The following CDH12 variants were observed in gnomAD, a reference collection of about 807,000 sequenced individuals.
CDH12 encodes cadherin-12.
A neutral mutation model predicts 74.1 loss-of-function variants in CDH12; 41 were observed. The observed-to-expected ratio is 0.55, with a 90% CI of 0.43 to 0.72. The LOEUF (loss-of-function observed/expected upper bound fraction) is 0.72, where lower values mean the gene tolerates loss of function less well. Ranked by LOEUF, CDH12 falls within the 30% of genes least tolerant of loss-of-function variation. The pLI is 0.00. For missense variants in CDH12, 945 were observed against 977.2 expected (o/e 0.97, Z 0.44); for synonymous variants, 399 against 355.0 (o/e 1.12, Z -1.39).
intron 4 of CDH12, among the ~76,000 whole-genome samples, chr5:22,107,636 A>G (rs1744554171): frequency 6.6e-6 from 1 of 152,106 alleles, no homozygotes; most frequent in Non-Finnish European, 1.5e-5. Flanking sequence ...GAATAATTAT[A>G]CTGAAAAATC....
intron 4 of CDH12, among the ~76,000 whole-genome samples, chr5:22,153,327 T>G (rs1747739463): frequency 1.3e-5 from 2 of 151,830 alleles, no homozygotes; most frequent in South Asian, 2.1e-4. Context: ...TGTGCTGATT[T>G]TGATGCATTT....
In CDH12 at chr5:22,785,794, A is replaced by G. The variant is rs554855199; in HGVS notation, c.-523+67264T>C. Among the ~76,000 whole-genome samples, 325 of 152,222 alleles carry G rather than the reference A, an allele frequency of 2.1e-3. 3 individuals are homozygous for G. The highest frequency in any genetic ancestry group is 2.9e-3 in the Non-Finnish European group (196 of 68,014). On this transcript the variant is annotated intron_variant, in intron 1 of 14. Coordinates refer to ENST00000382254, the MANE Select transcript of CDH12 (RefSeq NM_004061.5). The stretch of plus-strand genomic sequence containing the variant: ...CAGCCTCCCAAAGTTCTGGGATTAC[A>G]GTTGTATGCCACCATGCCCAGCCTT...
intron 6 of CDH12, among the ~76,000 whole-genome samples, chr5:21,945,459 G>A (rs867701602): frequency 0.038 from 2,369 of 62,302 alleles, 51 homozygotes; most frequent in African/African-American, 0.14. Context: ...AAAAAAAAAA[G>A]AGGTTGGAAT....
At chr5:21,754,587 AT>A (rs1251697793) in intron 14 of CDH12, among the ~76,000 whole-genome samples, 1 of 152,208 alleles carries the variant, frequency 6.6e-6, no homozygotes, top group Non-Finnish European at 1.5e-5. Flanking sequence ...CTACGTCAGC[AT>A]GAACTTCTGA....
At chr5:22,478,283 T>A (rs1472312750) in intron 2 of CDH12, among the ~76,000 whole-genome samples, 3 of 150,908 alleles carry the variant, frequency 2.0e-5, no homozygotes, top group Non-Finnish European at 3.0e-5. Flanking sequence ...CCGGGCGAGG[T>A]GGCGGGCGCC....
intron 8 of CDH12, among the ~76,000 whole-genome samples, chr5:21,831,068 A>C (rs1188891528): frequency 6.9e-5 from 4 of 58,338 alleles, no homozygotes; most frequent in African/African-American, 6.1e-4. Context: ...AAAAACAAAC[A>C]AAAAAAAACC....
At position 21,832,016 on chromosome 5, in the gene CDH12, CATT is replaced by C. The variant is rs549170932; in HGVS notation, c.814+10142_814+10144del. ...TATTAAATGGACCCATGGCCTTTAA[CATT>C]ATTTTTTATAACGTTGGTAAGATTA... is the stretch of plus-strand genomic sequence containing the variant. On this transcript the variant is annotated intron_variant, in intron 8 of 14. Transcript: ENST00000382254. Among the ~76,000 whole-genome samples the C allele has an allele frequency of 2.9e-3, 435 of 152,160 alleles. 3 individuals carry two copies. Among genetic ancestry groups the C allele is most frequent in the African/African-American group, 7.7e-3 (320 of 41,512 alleles).
intron 6 of CDH12, among the ~76,000 whole-genome samples, chr5:21,877,519 C>T (rs543281865): frequency 6.6e-6 from 1 of 152,252 alleles, no homozygotes; most frequent in East Asian, 1.9e-4. Flanking sequence ...ACAAATAAGT[C>T]TGGCTAAGAA....
At chr5:22,417,613 T>C (rs1336899123) in intron 2 of CDH12, among the ~76,000 whole-genome samples, 1 of 152,216 alleles carries the variant, frequency 6.6e-6, no homozygotes. Context: ...TTTGTTATAG[T>C]GGCACCAAAC....
chr5:22,668,316 A>G (rs1192337197), intron 1 of CDH12, among the ~76,000 whole-genome samples: 1 of 152,240 alleles, frequency 6.6e-6, no homozygotes, highest in Non-Finnish European at 1.5e-5. Context: ...TAAGTAACAA[A>G]AAAGCACATG....
intron 10 of CDH12, among the ~76,000 whole-genome samples, chr5:21,801,085 A>G (rs1023625646): frequency 1.3e-5 from 2 of 152,204 alleles, no homozygotes; most frequent in African/African-American, 4.8e-5. Flanking sequence ...GGTAGTATTC[A>G]TGTAATTATA....
At chr5:22,529,161 ATGTG>A (rs1157957120) in intron 1 of CDH12, among the ~76,000 whole-genome samples, 5 of 112,896 alleles carry the variant, frequency 4.4e-5, no homozygotes, top group African/African-American at 1.6e-4. Context: ...ATATATACAC[ATGTG>A]TATATATATA....
chr5:22,320,226 T>G (rs928807157), intron 3 of CDH12, among the ~76,000 whole-genome samples: 4 of 152,020 alleles, frequency 2.6e-5, no homozygotes, highest in South Asian at 2.1e-4. Flanking sequence ...GAAAACAAAA[T>G]GTTAAAAGTG....
At chr5:21,879,993 T>C (rs1752155179) in intron 6 of CDH12, among the ~76,000 whole-genome samples, 1 of 152,204 alleles carries the variant, frequency 6.6e-6, no homozygotes. Flanking sequence ...AGAAAGAAGC[T>C]GTGAGCAGAC....
At chr5:21,883,906 G>A (rs1304598028) in intron 6 of CDH12, 1 of 1,608,962 alleles carries the variant, frequency 6.2e-7, no homozygotes, top group Non-Finnish European at 8.5e-7. Flanking sequence ...ATTGTTTTGG[G>A]AGGGGGTTTT....
intron 3 of CDH12, among the ~76,000 whole-genome samples, chr5:22,337,484 TG>T (rs1055423657): frequency 6.6e-6 from 1 of 152,120 alleles, no homozygotes; most frequent in African/African-American, 2.4e-5. Context: ...GATTGAATCA[TG>T]GGGGTAAGTG....
Position 22,739,253 on chromosome 5 carries a change from C to T in CDH12, c.-523+113805G>A, listed in dbSNP as rs141494061. Among the ~76,000 whole-genome samples the T allele has an allele frequency of 3.1e-3, 473 of 151,608 alleles. 1 individual carries two copies. The highest frequency in any genetic ancestry group is 0.01 in the African/African-American group (423 of 41,390). ...AATCATGAAAATGAATGTATTAGGGCCTATCTAATTTTGTATATAGTGAAA... is the reference window on the plus strand; with the variant it reads ...AATCATGAAAATGAATGTATTAGGGTCTATCTAATTTTGTATATAGTGAAA... On this transcript the variant is annotated intron_variant, in intron 1 of 14. Coordinates refer to ENST00000382254, the MANE Select transcript of CDH12 (RefSeq NM_004061.5).
At chr5:22,625,504 C>G (rs1280769885) in intron 1 of CDH12, among the ~76,000 whole-genome samples, 1 of 152,064 alleles carries the variant, frequency 6.6e-6, no homozygotes, top group Non-Finnish European at 1.5e-5. Flanking sequence ...TGTATGGAGC[C>G]CAAAGAATTT....
intron 1 of CDH12, among the ~76,000 whole-genome samples, chr5:22,644,154 G>A (rs1056786366): frequency 6.6e-6 from 1 of 152,004 alleles, no homozygotes. Context: ...ACATGTTCAA[G>A]TGAAAAGTCC....
Sources: gnomAD v4.1 joint callset for allele counts (sites outside exome capture counted in the v4.1 genomes callset) on GRCh38, gnomAD v4.1.1 for gene constraint, MANE v1.5 for transcripts, NCBI Gene and HGNC (gene_info 2026-07-23, HGNC 2026-07-21) for gene names.